TEX264: variants seen among roughly 807,000 people sequenced by gnomAD.
TEX264 encodes testis-expressed protein 264.
TEX264 carries 13 observed loss-of-function variants against 23.4 expected under a neutral mutation model. The observed-to-expected ratio is 0.56, with a 90% CI of 0.36 to 0.88. The LOEUF (loss-of-function observed/expected upper bound fraction) is 0.88, where lower values mean the gene tolerates loss of function less well. Ranked by LOEUF, TEX264 falls within the 40% of genes least tolerant of loss-of-function variation. The pLI, the probability that TEX264 is intolerant of heterozygous loss-of-function variation, is 0.01. For synonymous variants in TEX264, 159 were observed against 170.0 expected (o/e 0.94, Z 0.50); for missense variants, 340 against 406.8 (o/e 0.84, Z 1.41).
chr3:51,691,992 CTGG>C lies in TEX264; in HGVS notation c.480+7359_480+7361del, dbSNP rs1702844898. 6.6e-6 allele frequency among the ~76,000 whole-genome samples: 1 copy of C among 152,232 alleles called. No homozygotes were observed. The highest frequency in any genetic ancestry group is 1.5e-5 in the Non-Finnish European group (1 of 68,036). ...CCTCTCCCCTTTGTTGGCCTAGGCA[CTGG>C]AACCTGCTCCTTAGCCTCTCTGGCT... On this transcript the variant is annotated intron_variant, in intron 3 of 4. Transcript: ENST00000341333. The surrounding 1 kb of genome is among the most constrained non-coding windows in gnomAD (Gnocchi z 4.4).
intron 4 of TEX264, among the ~76,000 whole-genome samples, chr3:51,702,245 G>T (rs1305944663): frequency 6.6e-6 from 1 of 152,116 alleles, no homozygotes; most frequent in Non-Finnish European, 1.5e-5. Flanking sequence ...GAGCAGTGAG[G>T]GCCTGGCATC....
At chr3:51,678,109 T>G (rs969064155) in intron 2 of TEX264, among the ~76,000 whole-genome samples, 4 of 152,160 alleles carry the variant, frequency 2.6e-5, no homozygotes, top group African/African-American at 9.7e-5. Flanking sequence ...TGGTCCATAC[T>G]GCCCTTGCAT....
chr3:51,698,561 T>C (rs539565398), intron 3 of TEX264, among the ~76,000 whole-genome samples: 6 of 152,238 alleles, frequency 3.9e-5, no homozygotes, highest in African/African-American at 1.4e-4. Flanking sequence ...CCCTCCATAC[T>C]CATTGGGGGA....
intron 3 of TEX264, among the ~76,000 whole-genome samples, chr3:51,687,366 G>A (rs1702660131): frequency 6.6e-6 from 1 of 152,216 alleles, no homozygotes; most frequent in Admixed American, 6.5e-5. Context: ...ACAGCCTGCA[G>A]TGGACAGGGG....
rs1272299363 is a variant in TEX264 at position 51,703,106 on chromosome 3, C to T, written c.650-618C>T. Among the ~76,000 whole-genome samples, 1 of 152,188 alleles carries T rather than the reference C, an allele frequency of 6.6e-6. No individual in the cohort carries two copies. The highest frequency in any genetic ancestry group is 1.5e-5 in the Non-Finnish European group (1 of 68,020). ...TGCAGCTGGTTGAGTATTTCTCAGG[C>T]CTTCTCCATCCTCCTCGTACTTCAG... On this transcript the variant is annotated intron_variant, in intron 4 of 4. Transcript: ENST00000341333. This position sits in a 1 kb window ranked among gnomAD's most constrained non-coding sequence, Gnocchi z 4.8.
intron 1 of TEX264, among the ~76,000 whole-genome samples, chr3:51,673,233 A>G (rs1702113573): frequency 6.6e-6 from 1 of 152,184 alleles, no homozygotes; most frequent in African/African-American, 2.4e-5. Context: ...ATGTCCCCCC[A>G]GTGGGTCACA....
intron 1 of TEX264, among the ~76,000 whole-genome samples, chr3:51,673,074 A>G (rs1442202884): frequency 6.6e-6 from 1 of 152,168 alleles, no homozygotes; most frequent in African/African-American, 2.4e-5. Flanking sequence ...CTCCAAAGAC[A>G]ATTTTTTTTT....
intron 2 of TEX264, among the ~76,000 whole-genome samples, chr3:51,677,712 G>A (rs1420384477): frequency 6.6e-6 from 1 of 152,228 alleles, no homozygotes; most frequent in Non-Finnish European, 1.5e-5. Context: ...AGTAGCACAA[G>A]AAAGGGTACC....
chr3:51,703,690 C>T lies in TEX264; in HGVS notation c.650-34C>T, dbSNP rs1342502530. ...CCCTGGAGGAGGGGGTGGGGTGGTCCTAGCTAACCTGTGCTCCCTTTTCCT... is the reference window on the plus strand; with the variant it reads ...CCCTGGAGGAGGGGGTGGGGTGGTCTTAGCTAACCTGTGCTCCCTTTTCCT... On this transcript the variant is annotated intron_variant, in intron 4 of 4. Coordinates refer to ENST00000341333, the MANE Select transcript of TEX264 (RefSeq NM_015926.6). This position sits in a 1 kb window ranked among gnomAD's most constrained non-coding sequence, Gnocchi z 4.8. 6.5e-7 allele frequency: 1 copy of T among 1,543,436 alleles called. No individual in the cohort carries two copies. The highest frequency in any genetic ancestry group is 1.9e-5 in the Admixed American group (1 of 53,998).
chr3:51,671,906 G>T (rs1473231972), intron 1 of TEX264: 3 of 152,246 alleles, frequency 2.0e-5, no homozygotes, highest in African/African-American at 7.2e-5. Context: ...CGCTGGCACC[G>T]GCCGCACGCG....
chr3:51,703,572 A>C lies in TEX264; in HGVS notation c.650-152A>C. 6.7e-6 allele frequency: 3 copies of C among 449,710 alleles called. No homozygotes were observed. The highest frequency in any genetic ancestry group is 7.5e-6 in the Non-Finnish European group (2 of 267,386). 27.9% of individuals were successfully genotyped at this position (449,710 alleles called of 1,614,324 possible). ...CCCTCTGCCCTGTCTGTGCAGCCCC[A>C]GTCAGGGTAGAGGGCAGAGGGCAGC... On this transcript the variant is annotated intron_variant, in intron 4 of 4. Coordinates refer to ENST00000341333, the MANE Select transcript of TEX264 (RefSeq NM_015926.6). This position sits in a 1 kb window ranked among gnomAD's most constrained non-coding sequence, Gnocchi z 4.8.
Position 51,686,313 on chromosome 3 carries a change from G to A in TEX264, c.480+1679G>A, listed in dbSNP as rs939749416. Among the ~76,000 whole-genome samples, 1 of 152,206 alleles carries A rather than the reference G, an allele frequency of 6.6e-6. No individual in the cohort carries two copies. Among genetic ancestry groups the A allele is most frequent in the Non-Finnish European group, 1.5e-5 (1 of 68,042 alleles). On this transcript the variant is annotated intron_variant, in intron 3 of 4. Coordinates refer to ENST00000341333, the MANE Select transcript of TEX264 (RefSeq NM_015926.6). The surrounding 1 kb of genome is among the most constrained non-coding windows in gnomAD (Gnocchi z 4.1). The stretch of plus-strand genomic sequence containing the variant: ...TGTGGCAGGGGTCAGGGAACAGGAC[G>A]AGAGTCAGTGGGAGTGAGAGCCTGG...
chr3:51,698,084 G>A (rs139573957), intron 3 of TEX264, among the ~76,000 whole-genome samples: 6 of 152,252 alleles, frequency 3.9e-5, no homozygotes, highest in Admixed American at 2.0e-4. Flanking sequence ...TCCACCTCCC[G>A]CGTGGCCTCC....
intron 1 of TEX264, among the ~76,000 whole-genome samples, chr3:51,673,974 C>G (rs2106894419): frequency 6.6e-6 from 1 of 152,274 alleles, no homozygotes; most frequent in East Asian, 1.9e-4. Context: ...CTGAATCACT[C>G]CTGTGCCCCT....
chr3:51,680,633 G>A (rs1702395778), intron 2 of TEX264, among the ~76,000 whole-genome samples: 1 of 152,228 alleles, frequency 6.6e-6, no homozygotes. Context: ...CCACTGCCCT[G>A]TTTCCCAGAT....
chr3:51,702,388 G>A (rs1010923860), intron 4 of TEX264, among the ~76,000 whole-genome samples: 1 of 152,224 alleles, frequency 6.6e-6, no homozygotes, highest in Admixed American at 6.5e-5. Context: ...CCAGCAGCCT[G>A]GGCTTCTAGG....
rs60519292 is a variant in TEX264, at chr3:51,694,037, T to C, written c.481-5369T>C. On this transcript the variant is annotated intron_variant, in intron 3 of 4. Coordinates refer to ENST00000341333, the MANE Select transcript of TEX264 (RefSeq NM_015926.6). ...TTCCTTCCTTCCTTCCTTCCTTCCT[T>C]CCTTCCTTCCTCCCTTCCCTTCCCT... Among the ~76,000 whole-genome samples the C allele has an allele frequency of 1.5e-3, 167 of 109,868 alleles. 1 individual carries two copies. The highest frequency in any genetic ancestry group is 1.6e-3 in the African/African-American group (42 of 26,764). The allele number at this position is 109,868 out of a possible 152,430, so 72.1% of individuals were successfully genotyped here. A position where few individuals can be genotyped will look rare whatever the true frequency, so the allele number is the denominator to read the frequency against.
intron 3 of TEX264, among the ~76,000 whole-genome samples, chr3:51,688,948 T>A (rs1559677579): frequency 6.6e-6 from 1 of 150,730 alleles, no homozygotes; most frequent in Non-Finnish European, 1.5e-5. Flanking sequence ...GCAACATAAG[T>A]GAGATCCTGC....
At position 51,703,521 on chromosome 3, in the gene TEX264, C is replaced by CCTCACTCCCTCCCTCCCTCA. The variant is rs112362203; in HGVS notation, c.650-200_650-199insACTCCCTCCCTCCCTCACTC. On this transcript the variant is annotated intron_variant, in intron 4 of 4. Transcript: ENST00000341333. This position sits in a 1 kb window ranked among gnomAD's most constrained non-coding sequence, Gnocchi z 4.8. ...CCCTCTCTCCCTCCCTCCCTCCTTC[C>CCTCACTCCCTCCCTCCCTCA]CTCCCTCCCTTCCTCCCAGCTCTTT... is the stretch of plus-strand genomic sequence containing the variant. Among the ~76,000 whole-genome samples, 1 of 151,890 alleles carries CCTCACTCCCTCCCTCCCTCA rather than the reference C, an allele frequency of 6.6e-6. No individual in the cohort carries two copies. The highest frequency in any genetic ancestry group is 2.4e-5 in the African/African-American group (1 of 41,288).
Sources: gnomAD v4.1 joint callset for allele counts (sites outside exome capture counted in the v4.1 genomes callset) on GRCh38, gnomAD v4.1.1 for gene constraint, Gnocchi (gnomAD v3.1) non-coding constraint, MANE v1.5 for transcripts, NCBI Gene and HGNC (gene_info 2026-07-23, HGNC 2026-07-21) for gene names.